Variants in DDAH1 observed in about 807,000 individuals in gnomAD.
DDAH1 encodes dimethylarginine dimethylaminohydrolase 1, also known as N(G),N(G)-dimethylarginine dimethylaminohydrolase 1.
Under a neutral mutation model 28.8 loss-of-function variants are expected in DDAH1, and 19 were observed. The observed-to-expected ratio is 0.66, with a 90% CI of 0.46 to 0.97. DDAH1 has a LOEUF of 0.97. Among genes scored for constraint, DDAH1 ranks in the 50% least tolerant of loss-of-function variants. DDAH1 has a pLI of 0.00. For missense variants in DDAH1, 326 were observed against 375.9 expected (o/e 0.87, Z 1.10); for synonymous variants, 153 against 154.4 (o/e 0.99, Z 0.07).
In DDAH1 at chr1:85,321,513, TC is replaced by T; in HGVS notation, c.796del (p.Glu266LysfsTer13). 1 of 1,614,170 alleles carries T rather than the reference TC, an allele frequency of 6.2e-7. No homozygotes were observed. Among genetic ancestry groups the T allele is most frequent in the Admixed American group, 1.7e-5 (1 of 60,012 alleles). On this transcript the variant is annotated frameshift_variant, in exon 6 of 6. Coordinates refer to ENST00000284031, the MANE Select transcript of DDAH1 (RefSeq NM_012137.4). LOFTEE classifies it high-confidence loss of function. The stretch of plus-strand genomic sequence containing the variant: ...GCAGGTGAGCAGCCCATCCACCTTT[TC>T]CAGTTCAGACATGCTCACGGGGATC... ...MLIPVSMSELEKVDGLLTCCS... is the reference protein window; with the variant it reads ...MLIPVSMSELXKVDGLLTCCS...
chr1:85,495,807 G>A (rs546509822), intron 2 of DDAH1: 1 of 152,324 alleles, frequency 6.6e-6, no homozygotes, highest in East Asian at 1.9e-4. Flanking sequence ...ACCCAGAGCT[G>A]GCTGGGAACC....
intron 4 of DDAH1, among the ~76,000 whole-genome samples, chr1:85,346,648 C>A: frequency 6.6e-6 from 1 of 152,074 alleles, no homozygotes; most frequent in Non-Finnish European, 1.5e-5. Flanking sequence ...AAAGCCAATA[C>A]CACTTTTATC....
At chr1:85,392,437 A>G (rs565641521) in intron 1 of DDAH1, among the ~76,000 whole-genome samples, 42 of 152,294 alleles carry the variant, frequency 2.8e-4, no homozygotes, top group Non-Finnish European at 5.7e-4. Context: ...GGACTTCAAC[A>G]TACGAATTCT....
chr1:85,340,039 C>T (rs187690466), intron 4 of DDAH1, among the ~76,000 whole-genome samples: 367 of 152,172 alleles, frequency 2.4e-3, no homozygotes, highest in Non-Finnish European at 4.4e-3. Flanking sequence ...AGATGGAAGG[C>T]ATGCAAATGT....
At chr1:85,453,724 G>A (rs1462491782) in intron 1 of DDAH1, among the ~76,000 whole-genome samples, 2 of 152,128 alleles carry the variant, frequency 1.3e-5, no homozygotes, top group Non-Finnish European at 2.9e-5. Context: ...AACAAATATT[G>A]CTGAAATGGA....
rs1398482408 is a variant in DDAH1, at chr1:85,318,797, G to A, written c.*2655C>T. On this transcript the variant is annotated 3_prime_UTR_variant, in exon 6 of 6. Coordinates refer to ENST00000284031, the MANE Select transcript of DDAH1 (RefSeq NM_012137.4). ...ATCTACAGACTATTTTTCTCCCTTA[G>A]AGATGAGGAGATGGCCTTAGTAATC... 1 of 152,502 alleles carries A rather than the reference G, an allele frequency of 6.6e-6. No homozygotes were observed. The highest frequency in any genetic ancestry group is 1.5e-5 in the Non-Finnish European group (1 of 68,040). 9.4% of individuals were successfully genotyped at this position (152,502 alleles called of 1,614,324 possible).
At chr1:85,434,419 T>A (rs2100641336) in intron 1 of DDAH1, among the ~76,000 whole-genome samples, 1 of 146,534 alleles carries the variant, frequency 6.8e-6, no homozygotes, top group Admixed American at 6.8e-5. Context: ...GTATGTGTGT[T>A]TTGTTTTTTT....
At chr1:85,530,337 C>T (rs684592) in intron 1 of DDAH1, among the ~76,000 whole-genome samples, 23,989 of 152,232 alleles carry the variant, frequency 0.16, 1,983 homozygotes, top group South Asian at 0.22. Flanking sequence ...GCAAATGGCA[C>T]TTGCCGTCAC....
chr1:85,571,999 G>A (rs762471888), intron 1 of DDAH1, among the ~76,000 whole-genome samples: 5 of 152,044 alleles, frequency 3.3e-5, no homozygotes, highest in Non-Finnish European at 5.9e-5. Flanking sequence ...GGAGGGCTCC[G>A]TGCTTAGTAA....
chr1:85,540,304 T>C (rs1175649230), intron 1 of DDAH1, among the ~76,000 whole-genome samples: 1 of 152,170 alleles, frequency 6.6e-6, no homozygotes, highest in Non-Finnish European at 1.5e-5. Context: ...TACCCAGCCC[T>C]GGGCCTTGGC....
intron 2 of DDAH1, among the ~76,000 whole-genome samples, chr1:85,351,853 T>C (rs967948127): frequency 1.3e-5 from 2 of 152,158 alleles, no homozygotes; most frequent in Non-Finnish European, 2.9e-5. Flanking sequence ...GAAGTTTCAG[T>C]TTGGGAAGAT....
chr1:85,437,533 T>C (rs1052379804), intron 1 of DDAH1, among the ~76,000 whole-genome samples: 1 of 152,192 alleles, frequency 6.6e-6, no homozygotes, highest in African/African-American at 2.4e-5. Context: ...ATTTTCCTTA[T>C]GATTTGCTTA....
chr1:85,392,508 C>G lies in DDAH1; in HGVS notation c.304-33661G>C, dbSNP rs1651600991. ...GCTGAGCTCTTGTTAGAAAATGAAC[C>G]CGTGGGCTGGGTGTGATGGCTCACA... On this transcript the variant is annotated intron_variant, in intron 1 of 5. Coordinates refer to ENST00000284031, the MANE Select transcript of DDAH1 (RefSeq NM_012137.4). Among the ~76,000 whole-genome samples, 4 of 152,030 alleles carry G rather than the reference C, an allele frequency of 2.6e-5. No homozygotes were observed. In the South Asian group the frequency reaches 8.3e-4, roughly 32 times the overall value.
At chr1:85,453,808 T>G (rs551839794) in intron 1 of DDAH1, among the ~76,000 whole-genome samples, 1 of 152,236 alleles carries the variant, frequency 6.6e-6, no homozygotes, top group Non-Finnish European at 1.5e-5. Flanking sequence ...TAGTGTTGCA[T>G]AAGTGTGAAG....
chr1:85,367,196 G>A (rs764646117), intron 1 of DDAH1, among the ~76,000 whole-genome samples: 12 of 151,976 alleles, frequency 7.9e-5, no homozygotes, highest in Non-Finnish European at 1.0e-4. Flanking sequence ...TCCCATGATC[G>A]ATCTTAACCT....
intron 2 of DDAH1, among the ~76,000 whole-genome samples, chr1:85,355,206 A>G (rs1327521597): frequency 2.0e-5 from 3 of 152,144 alleles, no homozygotes; most frequent in Non-Finnish European, 4.4e-5. Context: ...GAAAATCTAA[A>G]TTGTCACATA....
At chr1:85,481,075 A>G (rs1167662604) in intron 2 of DDAH1, among the ~76,000 whole-genome samples, 2 of 150,126 alleles carry the variant, frequency 1.3e-5, no homozygotes, top group East Asian at 3.9e-4. Flanking sequence ...TAAAATAATA[A>G]AAATCATTTC....
chr1:85,499,147 A>T (rs1207279532), intron 1 of DDAH1, among the ~76,000 whole-genome samples: 1 of 152,148 alleles, frequency 6.6e-6, no homozygotes, highest in Non-Finnish European at 1.5e-5. Flanking sequence ...AGAGTTTATA[A>T]AAGAGATGCT....
chr1:85,539,755 G>A (rs1416916216), intron 1 of DDAH1, among the ~76,000 whole-genome samples: 1 of 152,018 alleles, frequency 6.6e-6, no homozygotes, highest in Admixed American at 6.5e-5. Flanking sequence ...TCCATCCCTC[G>A]ATCAATTCTT....
Sources: gnomAD v4.1 joint callset for allele counts (sites outside exome capture counted in the v4.1 genomes callset) on GRCh38, gnomAD v4.1.1 for gene constraint, MANE v1.5 for transcripts, NCBI Gene and HGNC (gene_info 2026-07-23, HGNC 2026-07-21) for gene names.